OGDH: variants seen among roughly 807,000 people sequenced by gnomAD.
OGDH encodes the protein oxoglutarate dehydrogenase, also known as 2-oxoglutarate dehydrogenase complex component E1.
OGDH carries 38 observed loss-of-function variants against 116.6 expected under a neutral mutation model. The observed-to-expected ratio is 0.33, with a 90% confidence interval of 0.25 to 0.43. The LOEUF (loss-of-function observed/expected upper bound fraction) is 0.43. Ranked by LOEUF, OGDH falls within the 20% of genes least tolerant of loss-of-function variation. The probability of loss-of-function intolerance (pLI) is 1.00; values close to 1 mark genes in which losing one functional copy is unlikely to be tolerated. For synonymous variants in OGDH, 488 were observed against 533.3 expected (o/e 0.92, Z 1.17); for missense variants, 825 against 1,357.2 (o/e 0.61, Z 6.16).
At chr7:44,680,027 A>G (rs535258243) in intron 9 of OGDH, among the ~76,000 whole-genome samples, 1 of 152,182 alleles carries the variant, frequency 6.6e-6, no homozygotes, top group African/African-American at 2.4e-5. Context: ...CATGACCAAC[A>G]TGGTGAAACC....
intron 9 of OGDH, among the ~76,000 whole-genome samples, chr7:44,680,441 G>A (rs1787879169): frequency 6.6e-6 from 1 of 152,000 alleles, no homozygotes; most frequent in African/African-American, 2.4e-5. Flanking sequence ...GGAGTGTCTT[G>A]CAGTTGTAGG....
intron 1 of OGDH, among the ~76,000 whole-genome samples, chr7:44,623,121 GCAGGCAGGA>G (rs1216438219): frequency 6.6e-6 from 1 of 152,176 alleles, no homozygotes; most frequent in Non-Finnish European, 1.5e-5. Context: ...GCAGAAGGTG[GCAGGCAGGA>G]CACTGGACAA....
chr7:44,663,642 G>T (rs560497044), intron 4 of OGDH, among the ~76,000 whole-genome samples: 1 of 152,186 alleles, frequency 6.6e-6, no homozygotes, highest in Non-Finnish European at 1.5e-5. Flanking sequence ...GGTGGTGCAC[G>T]CCTGTAGTCC....
At chr7:44,616,695 ATATATATACACACATGTTTATG>A (rs1784786834) in intron 1 of OGDH, among the ~76,000 whole-genome samples, 1 of 143,826 alleles carries the variant, frequency 7.0e-6, no homozygotes, top group African/African-American at 2.7e-5. Context: ...ATGTATATGT[ATATATATACACACATGTTTATG>A]TATATATACA....
At chr7:44,611,167 C>T (rs563154974) in intron 1 of OGDH, among the ~76,000 whole-genome samples, 25 of 151,450 alleles carry the variant, frequency 1.7e-4, no homozygotes, top group Admixed American at 9.2e-4. Context: ...CCTCAACCTC[C>T]TGGGCTCAGG....
intron 4 of OGDH, among the ~76,000 whole-genome samples, chr7:44,665,651 A>C (rs530280078): frequency 6.6e-6 from 1 of 152,298 alleles, no homozygotes; most frequent in South Asian, 2.1e-4. Context: ...AGGAAACAAT[A>C]AGAACATTTC....
intron 13 of OGDH, 92 bp downstream of exon 13, chr7:44,696,219 T>C (rs2116355415): frequency 9.1e-7 from 1 of 1,102,746 alleles, no homozygotes; most frequent in South Asian, 1.3e-5. Flanking sequence ...GCTTTCCACT[T>C]TGTACCCACA....
In OGDH at chr7:44,673,934, T is replaced by G; in HGVS notation, c.781T>G (p.Ser261Ala). 6.2e-7 allele frequency: 1 copy of G among 1,614,166 alleles called. No homozygotes were observed. Among genetic ancestry groups the G allele is most frequent in the Non-Finnish European group, 8.5e-7 (1 of 1,180,012 alleles). ...KRTLLARLVR[S>A]TRFEEFLQRK... ...GACCCTGCTGGCCAGGCTTGTGCGG[T>G]CCACCAGGTATGGGTCTGGCCCTGG... The change falls in exon 6 of 23, where the codon TCC becomes GCC. Residue 261 changes from serine to alanine, a missense_variant. Around this residue, in one of 7 missense-constraint regions of OGDH, gnomAD observed 171 missense variants for 276.8 expected, o/e 0.62. Coordinates refer to ENST00000222673, the MANE Select transcript of OGDH (RefSeq NM_002541.4).
At chr7:44,691,574 G>A (rs1000649492) in intron 10 of OGDH, among the ~76,000 whole-genome samples, 28 of 150,842 alleles carry the variant, frequency 1.9e-4, no homozygotes, top group African/African-American at 4.1e-4. Flanking sequence ...CCATATTTGC[G>A]CTACCACAAA....
Position 44,666,810 on chromosome 7 carries a change from G to A in OGDH, c.592G>A (p.Glu198Lys), listed in dbSNP as rs1787205074. 2 of 1,613,084 alleles carry A rather than the reference G, an allele frequency of 1.2e-6. No individual in the cohort carries two copies. Among genetic ancestry groups the A allele is most frequent in the Admixed American group, 3.3e-5 (2 of 59,916 alleles). The change falls in exon 5 of 23, where the codon GAA (glutamate) becomes AAA (lysine). Residue 198 changes from glutamate to lysine, a missense_variant. Glu to Lys is a moderately conservative substitution (Grantham distance 56). This residue lies in a region of OGDH where 171 missense variants were observed against 276.8 expected (regional missense o/e 0.62). Coordinates refer to ENST00000222673, the MANE Select transcript of OGDH (RefSeq NM_002541.4). ...LPTTTFIGGQ[E>K]SALPLREIIR... ...CACCACCACTTTCATCGGGGGACAG[G>A]AATCAGCACTTCCTCTGCGGGAGAT...
chr7:44,635,448 G>T (rs17133653), intron 2 of OGDH, among the ~76,000 whole-genome samples: 1 of 151,954 alleles, frequency 6.6e-6, no homozygotes, highest in African/African-American at 2.4e-5. Flanking sequence ...CACCCGCGCC[G>T]CGGATTATTT....
chr7:44,690,928 C>G (rs1219066401), intron 10 of OGDH, among the ~76,000 whole-genome samples: 5 of 152,094 alleles, frequency 3.3e-5, no homozygotes, highest in African/African-American at 1.2e-4. Flanking sequence ...GGCTCTGATA[C>G]ACCATTTTTT....
At chr7:44,639,386 G>A (rs1319670651) in intron 2 of OGDH, among the ~76,000 whole-genome samples, 2 of 152,166 alleles carry the variant, frequency 1.3e-5, no homozygotes, top group African/African-American at 2.4e-5. Context: ...TACAGGGAGG[G>A]GTGGGGCCAG....
intron 2 of OGDH, among the ~76,000 whole-genome samples, chr7:44,635,256 G>A (rs1009277920): frequency 1.3e-5 from 2 of 152,136 alleles, no homozygotes; most frequent in African/African-American, 2.4e-5. Flanking sequence ...GCCATACGCC[G>A]GTGTTCCTTG....
In OGDH at chr7:44,708,102, C is replaced by G. The variant is rs1562697153; in HGVS notation, c.*103C>G. The G allele has an allele frequency of 6.9e-7, 1 of 1,452,064 alleles. No individual in the cohort carries two copies. Among genetic ancestry groups the G allele is most frequent in the Non-Finnish European group, 9.3e-7 (1 of 1,080,570 alleles). 89.9% of individuals were successfully genotyped at this position (1,452,064 alleles called of 1,614,324 possible). On this transcript the variant is annotated 3_prime_UTR_variant, in exon 23 of 23. Coordinates refer to ENST00000222673, the MANE Select transcript of OGDH (RefSeq NM_002541.4). The stretch of plus-strand genomic sequence containing the variant: ...CCTCAGCGCTGCCCACACCACCGCC[C>G]TCCTCGCTGTGCCACCACCCCTCCC...
Position 44,677,597 on chromosome 7 carries a change from G to A in OGDH, c.1206+1448G>A, listed in dbSNP as rs374751688. 2.4e-3 allele frequency among the ~76,000 whole-genome samples: 365 copies of A among 152,152 alleles called. 1 individual carries two copies. Among genetic ancestry groups the A allele is most frequent in the African/African-American group, 8.2e-3 (341 of 41,528 alleles). On this transcript the variant is annotated intron_variant, in intron 9 of 22. Coordinates refer to ENST00000222673, the MANE Select transcript of OGDH (RefSeq NM_002541.4). ...GAAGTGGAACCAATTGGCCAGGTGC[G>A]GTGGCTCACGCCTGTAATCCCAGCA...
At chr7:44,616,168 A>G (rs748233519) in intron 1 of OGDH, among the ~76,000 whole-genome samples, 3 of 152,186 alleles carry the variant, frequency 2.0e-5, no homozygotes, top group Non-Finnish European at 4.4e-5. Flanking sequence ...TTTAGCAGGA[A>G]ACACGTTTTA....
At chr7:44,687,091 A>ATTTTTTTTTTT (rs59074567) in intron 10 of OGDH, among the ~76,000 whole-genome samples, 653 of 95,366 alleles carry the variant, frequency 6.8e-3, no homozygotes, top group Non-Finnish European at 7.8e-3. Context: ...ATTTTTTTTA[A>ATTTTTTTTTTT]TTTTTTTTTT....
Position 44,698,188 on chromosome 7 carries a change from C to T in OGDH, c.2359-4C>T. ...TAAACTGTAACTTGCGTGTGTGGTT[C>T]CAGGGTCCAGAACATTCCTCCGCCC... On this transcript the variant is annotated splice_region_variant and splice_polypyrimidine_tract_variant and intron_variant, in intron 17 of 22. Transcript: ENST00000222673. 1 of 1,614,160 alleles carries T rather than the reference C, an allele frequency of 6.2e-7. No individual in the cohort carries two copies. Among genetic ancestry groups the T allele is most frequent in the East Asian group, 2.2e-5 (1 of 44,892 alleles).
Sources: allele counts gnomAD v4.1 joint callset (sites outside exome capture counted in the v4.1 genomes callset), GRCh38; gene constraint gnomAD v4.1.1; regional missense constraint gnomAD v4.1.1; transcripts MANE v1.5; gene names NCBI Gene and HGNC (gene_info 2026-07-23, HGNC 2026-07-21).